Variants in ARMC8 observed in about 807,000 individuals in gnomAD.
The protein encoded by ARMC8 is armadillo repeat-containing protein 8.
A neutral mutation model predicts 99.3 loss-of-function variants in ARMC8; 20 were observed. The observed-to-expected ratio is 0.20, with a 90% confidence interval of 0.14 to 0.29. The LOEUF (loss-of-function observed/expected upper bound fraction) is 0.29, where lower values mean the gene tolerates loss of function less well. Ranked by LOEUF, ARMC8 falls within the 10% of genes least tolerant of loss-of-function variation. The pLI, the probability that ARMC8 is intolerant of heterozygous loss-of-function variation, is 1.00. For synonymous variants in ARMC8, 263 were observed against 278.3 expected, an observed-to-expected ratio of 0.95 and a Z score of 0.55; for missense variants, 569 against 809.5, an observed-to-expected ratio of 0.70 and a Z score of 3.60.
intron 12 of ARMC8, among the ~76,000 whole-genome samples, chr3:138,250,516 T>C (rs959568960): frequency 6.6e-6 from 1 of 152,162 alleles, no homozygotes; most frequent in African/African-American, 2.4e-5. Context: ...TTGTCTTGTT[T>C]ATAATTTTAT....
intron 1 of ARMC8, among the ~76,000 whole-genome samples, chr3:138,205,349 G>C (rs1020116573): frequency 1.3e-5 from 2 of 151,864 alleles, no homozygotes; most frequent in Non-Finnish European, 2.9e-5. Context: ...ACGCCCGGCG[G>C]CAATTCAGTC....
Position 138,295,976 on chromosome 3 carries a change from T to A in ARMC8, c.*84T>A. Reference sequence around the variant, plus strand: ...ACCAGCCTCATTTGATTCCTTCTATTTGCACAAGTCACCTTGGACTGCAGG... The same window carrying A: ...ACCAGCCTCATTTGATTCCTTCTATATGCACAAGTCACCTTGGACTGCAGG... On this transcript the variant is annotated 3_prime_UTR_variant, in exon 22 of 22. Transcript: ENST00000469044. 1 of 1,473,074 alleles carries A rather than the reference T, an allele frequency of 6.8e-7. No individual in the cohort carries two copies. The highest frequency in any genetic ancestry group is 9.3e-7 in the Non-Finnish European group (1 of 1,070,210). The allele number at this position is 1,473,074 out of a possible 1,614,324, so 91.3% of individuals were successfully genotyped here. A position where few individuals can be genotyped will look rare whatever the true frequency, so the allele number is the denominator to read the frequency against.
intron 10 of ARMC8, 106 bp from the exon 11 acceptor site, chr3:138,241,677 A>T: frequency 2.1e-6 from 2 of 973,216 alleles, no homozygotes; most frequent in Non-Finnish European, 3.1e-6. Context: ...GAAATATATG[A>T]TCATAAACAT....
At chr3:138,201,925 A>T (rs1200375229) in intron 1 of ARMC8, among the ~76,000 whole-genome samples, 1 of 152,170 alleles carries the variant, frequency 6.6e-6, no homozygotes, top group East Asian at 1.9e-4. Context: ...ATATGGTTAC[A>T]CTTGTAACTT....
At chr3:138,206,010 A>C (rs2044353695) in intron 1 of ARMC8, among the ~76,000 whole-genome samples, 1 of 152,254 alleles carries the variant, frequency 6.6e-6, no homozygotes, top group Non-Finnish European at 1.5e-5. Flanking sequence ...GTTGATTTTA[A>C]TGTTATTTAA....
intron 1 of ARMC8, among the ~76,000 whole-genome samples, chr3:138,196,410 T>G (rs535659646): frequency 4.7e-4 from 71 of 152,300 alleles, no homozygotes; most frequent in Non-Finnish European, 8.4e-4. Flanking sequence ...AGTGTATTGA[T>G]CTCTGGTTCT....
rs200770718 is a variant in ARMC8 at position 138,239,500 on chromosome 3, G to T, written c.809G>T (p.Arg270Leu). The change falls in exon 10 of 22, where the codon CGG (arginine) becomes CTG (leucine). Residue 270 changes from arginine (R) to leucine (L), a missense_variant. Physicochemically the swap from Arg to Leu is moderately radical, Grantham distance 102. Coordinates refer to ENST00000469044, the MANE Select transcript of ARMC8 (RefSeq NM_001363941.2). ...TACATGTGTAGAGCTGGAGCAATTC[G>T]GACAGATGATAACTGTATTGTATTA... Reference protein sequence around the residue: ...LTYMCRAGAIRTDDNCIVLKT... With the variant: ...LTYMCRAGAILTDDNCIVLKT... The T allele has an allele frequency of 2.5e-6, 4 of 1,597,998 alleles. No homozygotes were observed. The highest frequency in any genetic ancestry group is 3.4e-6 in the Non-Finnish European group (4 of 1,173,234).
At chr3:138,201,477 T>TTTTTTTC (rs1456840327) in intron 1 of ARMC8, among the ~76,000 whole-genome samples, 1 of 101,926 alleles carries the variant, frequency 9.8e-6, no homozygotes, top group African/African-American at 4.0e-5. Context: ...TTTTTTTTTT[T>TTTTTTTC]CCTGAGACAG....
intron 1 of ARMC8, 29 bp downstream of exon 1, chr3:138,187,628 G>GCCCT: frequency 6.5e-7 from 1 of 1,534,650 alleles, no homozygotes; most frequent in Non-Finnish European, 8.7e-7. Flanking sequence ...CCGCCCGCCC[G>GCCCT]CCCTCCAGGA....
intron 12 of ARMC8, among the ~76,000 whole-genome samples, chr3:138,259,615 C>T (rs1382776483): frequency 3.3e-5 from 5 of 152,194 alleles, no homozygotes; most frequent in Non-Finnish European, 7.3e-5. Context: ...AGTTCAGTTA[C>T]AGATTCAGGC....
chr3:138,212,065 A>G (rs2044724991), intron 2 of ARMC8, among the ~76,000 whole-genome samples: 1 of 152,196 alleles, frequency 6.6e-6, no homozygotes, highest in African/African-American at 2.4e-5. Flanking sequence ...TACTTAAAAT[A>G]CTAAAATCTG....
chr3:138,236,015 C>T (rs2108148250), intron 7 of ARMC8, among the ~76,000 whole-genome samples: 1 of 152,186 alleles, frequency 6.6e-6, no homozygotes, highest in African/African-American at 2.4e-5. Flanking sequence ...ACCATGTTAG[C>T]CAGGATGGTC....
intron 11 of ARMC8, among the ~76,000 whole-genome samples, chr3:138,244,810 T>G (rs912350098): frequency 6.6e-6 from 1 of 152,144 alleles, no homozygotes; most frequent in Non-Finnish European, 1.5e-5. Flanking sequence ...TTTTTCGGAG[T>G]CAGAGATTCA....
Position 138,241,776 on chromosome 3 carries a change from C to G in ARMC8, c.838-7C>G. On this transcript the variant is annotated splice_polypyrimidine_tract_variant and splice_region_variant and intron_variant, in intron 10 of 21. Coordinates refer to ENST00000469044, the MANE Select transcript of ARMC8 (RefSeq NM_001363941.2). ...AAAAGCAAATAATTAATCTCACTACCTTTCAGACATTACCTTGTTTGGTTC... is the reference window on the plus strand; with the variant it reads ...AAAAGCAAATAATTAATCTCACTACGTTTCAGACATTACCTTGTTTGGTTC... The G allele has an allele frequency of 6.2e-7, 1 of 1,613,532 alleles. No individual in the cohort carries two copies. The highest frequency in any genetic ancestry group is 8.5e-7 in the Non-Finnish European group (1 of 1,179,720).
In ARMC8 at chr3:138,223,720, A is replaced by G. The variant is rs1389079989; in HGVS notation, c.422A>G (p.Glu141Gly). 1 of 1,613,812 alleles carries G rather than the reference A, an allele frequency of 6.2e-7. No individual in the cohort carries two copies. Among genetic ancestry groups the G allele is most frequent in the African/African-American group, 1.3e-5 (1 of 74,922 alleles). ...TTCACCAGTCCTGTCACTCCAGAGG[A>G]GCTACTGTATACAGTGAGTTTTAGA... ...TIFTSPVTPE[E>G]LLYTDATVIP... Residue 141 changes from glutamate (E) to glycine (G), a missense_variant, in exon 5 of 22, where the codon GAG becomes GGG. Around this residue, in one of 2 missense-constraint regions of ARMC8, gnomAD observed 342 missense variants for 391.6 expected, o/e 0.87. Coordinates refer to ENST00000469044, the MANE Select transcript of ARMC8 (RefSeq NM_001363941.2).
At chr3:138,245,940 C>G in intron 12 of ARMC8, 5 of 985,386 alleles carry the variant, frequency 5.1e-6, no homozygotes, top group Non-Finnish European at 6.0e-6. Flanking sequence ...CATCAGAGAG[C>G]AAAACCACAT....
At position 138,290,714 on chromosome 3, in the gene ARMC8, A is replaced by T. The variant is rs115448804; in HGVS notation, c.1988+75A>T. 2.4e-4 allele frequency: 226 copies of T among 925,996 alleles called. 1 individual carries two copies. Among genetic ancestry groups the T allele is most frequent in the Non-Finnish European group, 3.5e-4 (211 of 597,082 alleles). The allele number at this position is 925,996 out of a possible 1,614,324, so 57.4% of individuals were successfully genotyped here. On this transcript the variant is annotated intron_variant, in intron 21 of 21. Coordinates refer to ENST00000469044, the MANE Select transcript of ARMC8 (RefSeq NM_001363941.2). ...CGTGAAAGGGTTTGAATTGCTTGGTAATTAATGGCCATACTTTTTAAAATC... is the reference window on the plus strand; with the variant it reads ...CGTGAAAGGGTTTGAATTGCTTGGTTATTAATGGCCATACTTTTTAAAATC...
intron 21 of ARMC8, among the ~76,000 whole-genome samples, chr3:138,293,402 G>C (rs1167275064): frequency 6.6e-6 from 1 of 152,194 alleles, no homozygotes; most frequent in African/African-American, 2.4e-5. Context: ...AGCAGGGCAT[G>C]GTAGTACGTG....
chr3:138,274,454 A>G lies in ARMC8; in HGVS notation c.1635A>G (p.Ile545Met). 1 of 1,584,914 alleles carries G rather than the reference A, an allele frequency of 6.3e-7. No individual in the cohort carries two copies. Among genetic ancestry groups the G allele is most frequent in the Non-Finnish European group, 8.7e-7 (1 of 1,153,946 alleles). Residue 545 changes from isoleucine to methionine, a missense_variant, in exon 18 of 22, where the codon ATA becomes ATG. This residue lies in a region of ARMC8 where 227 missense variants were observed against 417.9 expected (regional missense o/e 0.54). Transcript: ENST00000469044. ...LRNLLSTRPH[I>M]DKIMSTHGKQ... ...GATTTCCCATTGTTTTACAGCATAT[A>G]GATAAAATAATGAGTACTCATGGAA...
Sources: allele counts gnomAD v4.1 joint callset (sites outside exome capture counted in the v4.1 genomes callset), GRCh38; gene constraint gnomAD v4.1.1; regional missense constraint gnomAD v4.1.1; transcripts MANE v1.5; gene names NCBI Gene and HGNC (gene_info 2026-07-23, HGNC 2026-07-21).